The following SYT14 variants were observed in gnomAD, a reference collection of about 807,000 sequenced individuals.
SYT14 encodes the protein synaptotagmin 14, also known as synaptotagmin-14.
A neutral mutation model predicts 74.2 loss-of-function variants in SYT14; 32 were observed. The observed-to-expected ratio is 0.43, with a 90% confidence interval of 0.33 to 0.58. The LOEUF (loss-of-function observed/expected upper bound fraction) is 0.58, where lower values mean the gene tolerates loss of function less well. Among genes scored for constraint, SYT14 ranks in the 20% least tolerant of loss-of-function variants. The pLI is 0.05. For missense variants in SYT14, 791 were observed against 981.8 expected (o/e 0.81, Z 2.60); for synonymous variants, 298 against 337.7 (o/e 0.88, Z 1.29).
intron 7 of SYT14, among the ~76,000 whole-genome samples, chr1:210,125,886 T>A (rs939514077): frequency 2.0e-5 from 3 of 152,158 alleles, no homozygotes; most frequent in Admixed American, 1.3e-4. Context: ...CTAAGAATAA[T>A]TACATTAGTG....
rs181299631 is a variant in SYT14 at position 210,008,499 on chromosome 1, G to A, written c.-485-5134G>A. Reference sequence around the variant, plus strand: ...CTGCCTCAGCCTCCTGAGTAGCTGGGATTAGAGGTGCCCGCCACCACACCC... The same window carrying A: ...CTGCCTCAGCCTCCTGAGTAGCTGGAATTAGAGGTGCCCGCCACCACACCC... On this transcript the variant is annotated intron_variant, in intron 2 of 9. Coordinates refer to ENST00000637265, the Ensembl canonical transcript of SYT14. Among the ~76,000 whole-genome samples, 1,141 of 152,230 alleles carry A rather than the reference G, an allele frequency of 7.5e-3. 19 individuals are homozygous for A. Among genetic ancestry groups the A allele is most frequent in the African/African-American group, 0.026 (1,088 of 41,536 alleles).
At chr1:210,075,109 G>A (rs913586461) in intron 5 of SYT14, among the ~76,000 whole-genome samples, 4 of 152,250 alleles carry the variant, frequency 2.6e-5, no homozygotes, top group Admixed American at 6.5e-5. Context: ...TCAGCGGCCC[G>A]GGCTCTCCTC....
chr1:210,046,968 A>C (rs959506900), intron 5 of SYT14, among the ~76,000 whole-genome samples: 2 of 152,186 alleles, frequency 1.3e-5, no homozygotes, highest in African/African-American at 4.8e-5. Flanking sequence ...TTATATTAAC[A>C]TCATATAGCT....
intron 7 of SYT14, among the ~76,000 whole-genome samples, chr1:210,124,088 C>G (rs2082519224): frequency 6.6e-6 from 1 of 152,128 alleles, no homozygotes. Context: ...GAACCCAGCA[C>G]TGCCTATTTG....
chr1:210,090,290 C>T (rs941669223), intron 5 of SYT14, among the ~76,000 whole-genome samples: 1 of 151,968 alleles, frequency 6.6e-6, no homozygotes, highest in Non-Finnish European at 1.5e-5. Context: ...CCTCTTCATG[C>T]TTCCAATTTG....
Position 210,068,255 on chromosome 1 carries a change from A to T in SYT14, c.1313-26067A>T, listed in dbSNP as rs898603576. ...TTACATTAAAAGATATCCCTTTGCT[A>T]AACTAACCTTGTGTTTCTGAAATAA... On this transcript the variant is annotated intron_variant, in intron 5 of 9. Transcript: ENST00000637265. 2.6e-5 allele frequency among the ~76,000 whole-genome samples: 4 copies of T among 151,812 alleles called. No homozygotes were observed. The East Asian group carries it at 7.7e-4, about 29-fold the overall frequency.
chr1:209,946,696 A>G (rs772758898), intron 1 of SYT14, among the ~76,000 whole-genome samples: 2 of 152,272 alleles, frequency 1.3e-5, no homozygotes, highest in African/African-American at 4.8e-5. Flanking sequence ...CAGGTTATCC[A>G]TAAGATCTAG....
At chr1:210,120,853 T>C (rs2082446801) in intron 7 of SYT14, among the ~76,000 whole-genome samples, 1 of 152,334 alleles carries the variant, frequency 6.6e-6, no homozygotes. Context: ...AGCACTGTCC[T>C]TTAAGCTGTG....
intron 7 of SYT14, among the ~76,000 whole-genome samples, chr1:210,154,267 A>G (rs970486882): frequency 2.0e-5 from 3 of 152,102 alleles, no homozygotes; most frequent in African/African-American, 7.2e-5. Flanking sequence ...CCGGCCACAG[A>G]CCAGTACCAG....
intron 2 of SYT14, among the ~76,000 whole-genome samples, chr1:209,953,510 A>G (rs2078945358): frequency 6.6e-6 from 1 of 152,208 alleles, no homozygotes; most frequent in Admixed American, 6.5e-5. Flanking sequence ...TCCTGAGTCT[A>G]GCCAACTAAC....
At chr1:209,979,921 G>T (rs2079450464) in intron 2 of SYT14, among the ~76,000 whole-genome samples, 1 of 152,174 alleles carries the variant, frequency 6.6e-6, no homozygotes, top group African/African-American at 2.4e-5. Context: ...ACATGTGCAT[G>T]CATATGTCTT....
intron 7 of SYT14, among the ~76,000 whole-genome samples, chr1:210,137,265 C>G (rs2082806706): frequency 6.6e-6 from 1 of 152,126 alleles, no homozygotes; most frequent in African/African-American, 2.4e-5. Context: ...CCTTCACCTC[C>G]TATGCTCACA....
chr1:209,978,915 TC>T (rs1246463081), intron 2 of SYT14, among the ~76,000 whole-genome samples: 1 of 150,710 alleles, frequency 6.6e-6, no homozygotes, highest in Non-Finnish European at 1.5e-5. Context: ...CGGGCGCCCC[TC>T]CCCCAGCCTC....
intron 2 of SYT14, among the ~76,000 whole-genome samples, chr1:209,977,002 A>G (rs372798669): frequency 2.6e-5 from 4 of 152,044 alleles, no homozygotes; most frequent in African/African-American, 4.8e-5. Flanking sequence ...TTTAAAGTCT[A>G]TTTTATCAGA....
intron 2 of SYT14, among the ~76,000 whole-genome samples, chr1:209,982,152 A>AATTATT (rs769085245): frequency 6.6e-6 from 1 of 151,642 alleles, no homozygotes; most frequent in African/African-American, 2.4e-5. Context: ...CTTGTTTATT[A>AATTATT]ATTATTATTA....
intron 5 of SYT14, among the ~76,000 whole-genome samples, chr1:210,070,722 G>T (rs916543929): frequency 6.6e-6 from 1 of 152,014 alleles, no homozygotes; most frequent in Non-Finnish European, 1.5e-5. Flanking sequence ...GCGCTTTGTT[G>T]TATGTGGGCA....
chr1:210,042,026 T>G (rs925514227), intron 5 of SYT14, among the ~76,000 whole-genome samples: 2 of 151,808 alleles, frequency 1.3e-5, no homozygotes, highest in Non-Finnish European at 2.9e-5. Flanking sequence ...GAGCCTGGGT[T>G]TTTCTGGACA....
At chr1:209,994,440 G>C (rs898364342) in intron 2 of SYT14, among the ~76,000 whole-genome samples, 5 of 151,572 alleles carry the variant, frequency 3.3e-5, no homozygotes, top group Non-Finnish European at 7.4e-5. Flanking sequence ...CAAAAACGAA[G>C]AAAAAAGAAT....
At chr1:210,055,698 G>A (rs2081083222) in intron 5 of SYT14, among the ~76,000 whole-genome samples, 1 of 151,194 alleles carries the variant, frequency 6.6e-6, no homozygotes, top group South Asian at 2.1e-4. Context: ...TGGCGTGCTT[G>A]GGAGGCTAAG....
Sources: allele counts gnomAD v4.1 joint callset (sites outside exome capture counted in the v4.1 genomes callset), GRCh38; gene constraint gnomAD v4.1.1; transcripts MANE v1.5; gene names NCBI Gene and HGNC (gene_info 2026-07-23, HGNC 2026-07-21).